ADTRP: variants seen among roughly 807,000 people sequenced by gnomAD.
ADTRP encodes the protein androgen-dependent TFPI-regulating protein.
In ADTRP, 20 loss-of-function variants were observed where a neutral mutation model predicts 27.0. That is an observed-to-expected ratio of 0.74 (90% CI 0.52 to 1.08). ADTRP has a LOEUF of 1.08. Among genes scored for constraint, ADTRP ranks in the 50% least tolerant of loss-of-function variants. The pLI, the probability that ADTRP is intolerant of heterozygous loss-of-function variation, is 0.00. For missense variants in ADTRP, 251 were observed against 275.0 expected, an observed-to-expected ratio of 0.91 and a Z score of 0.62; for synonymous variants, 101 against 105.2, an observed-to-expected ratio of 0.96 and a Z score of 0.25.
rs374029504 is a variant in ADTRP, at chr6:11,766,332, T to C, written c.332A>G (p.Asp111Gly). The C allele has an allele frequency of 6.2e-7, 1 of 1,612,654 alleles. No individual in the cohort carries two copies. The highest frequency in any genetic ancestry group is 1.7e-5 in the Admixed American group (1 of 59,862). Residue 111 changes from aspartate to glycine, a missense_variant, in exon 3 of 6, where the codon GAT (aspartate) becomes GGT (glycine). By Grantham distance (94) the Asp-to-Gly change is moderately conservative. Coordinates refer to ENST00000414691, the MANE Select transcript of ADTRP (RefSeq NM_032744.4). ...AFWILFLYNR[D>G]LIYPKVLDTV... ...ATCTAGGACCTTGGGGTAAATGAGATCTCGATTGTAGAGAAAGAGGATCCA... is the reference window on the plus strand; with the variant it reads ...ATCTAGGACCTTGGGGTAAATGAGACCTCGATTGTAGAGAAAGAGGATCCA...
intron 3 of ADTRP, among the ~76,000 whole-genome samples, chr6:11,763,759 A>C (rs944537474): frequency 4.6e-5 from 7 of 152,240 alleles, no homozygotes; most frequent in African/African-American, 1.7e-4. Context: ...AGAACATTTA[A>C]TAGTGAGGAC....
chr6:11,750,168 G>A (rs1399142024), intron 3 of ADTRP, among the ~76,000 whole-genome samples: 2 of 152,188 alleles, frequency 1.3e-5, no homozygotes, highest in African/African-American at 2.4e-5. Context: ...TGGGAAATTG[G>A]GGAAAAATTA....
intron 3 of ADTRP, among the ~76,000 whole-genome samples, chr6:11,746,408 A>G (rs143207908): frequency 4.3e-4 from 66 of 152,302 alleles, no homozygotes; most frequent in African/African-American, 1.5e-3. Flanking sequence ...TTTAGAATCC[A>G]TAAGTCTTTG....
rs1024162662 is a variant in ADTRP, at chr6:11,763,588, T to C, written c.390+2686A>G. 7.9e-5 allele frequency among the ~76,000 whole-genome samples: 12 copies of C among 152,320 alleles called. 1 individual carries two copies. Among genetic ancestry groups the C allele is most frequent in the African/African-American group, 2.6e-4 (11 of 41,570 alleles). On this transcript the variant is annotated intron_variant, in intron 3 of 5. Transcript: ENST00000414691. ...GTCATTACTCTGGCTGCCATAGTGGTGATTTCCCAGAATTGTATTCCTTCC... is the reference window on the plus strand; with the variant it reads ...GTCATTACTCTGGCTGCCATAGTGGCGATTTCCCAGAATTGTATTCCTTCC...
At chr6:11,746,722 A>T (rs1053970958) in intron 3 of ADTRP, among the ~76,000 whole-genome samples, 2 of 152,252 alleles carry the variant, frequency 1.3e-5, no homozygotes, top group African/African-American at 4.8e-5. Flanking sequence ...GTATTCAGGC[A>T]TGAGCACCAA....
chr6:11,747,275 GAC>G (rs1426467475), intron 3 of ADTRP, among the ~76,000 whole-genome samples: 4 of 152,178 alleles, frequency 2.6e-5, no homozygotes, highest in Non-Finnish European at 5.9e-5. Context: ...AGATGCTGAA[GAC>G]ACACACATGC....
In ADTRP at chr6:11,723,489, A is replaced by G. The variant is rs756600080; in HGVS notation, c.518T>C (p.Leu173Pro). The G allele has an allele frequency of 6.2e-7, 1 of 1,613,986 alleles. No homozygotes were observed. The highest frequency in any genetic ancestry group is 1.1e-5 in the South Asian group (1 of 91,038). ...CACCCAGGTACCCGTCTCAAAGTAGAGCCATAGGATGCTGCAGGAAATAAG... is the reference window on the plus strand; with the variant it reads ...CACCCAGGTACCCGTCTCAAAGTAGGGCCATAGGATGCTGCAGGAAATAAG... ...SIAYISRILW[L>P]YFETGTWVYP... The change falls in exon 5 of 6, where the codon CTC becomes CCC. Residue 173 changes from leucine to proline, a missense_variant. By Grantham distance (98) the Leu-to-Pro change is moderately conservative. Coordinates refer to ENST00000414691, the MANE Select transcript of ADTRP (RefSeq NM_032744.4).
chr6:11,736,002 A>G, intron 3 of ADTRP: 1 of 219,280 alleles, frequency 4.6e-6, no homozygotes, highest in Non-Finnish European at 9.2e-6. Context: ...TCTGTCACTC[A>G]CCCAGGCTGG....
chr6:11,757,947 A>G (rs1763264734), intron 3 of ADTRP, among the ~76,000 whole-genome samples: 1 of 152,114 alleles, frequency 6.6e-6, no homozygotes. Flanking sequence ...AAACAAATAC[A>G]CTGATCTACT....
intron 5 of ADTRP, chr6:11,717,424 T>A: frequency 7.7e-7 from 1 of 1,303,796 alleles, no homozygotes; most frequent in Non-Finnish European, 1.0e-6. Context: ...ACTGCAGGCA[T>A]GGCCAAGAAA....
At chr6:11,717,353 G>C (rs965044343) in intron 5 of ADTRP, 1 of 1,304,212 alleles carries the variant, frequency 7.7e-7, no homozygotes, top group Admixed American at 2.3e-5. Flanking sequence ...ACTTCCAATC[G>C]GGCCACTGGA....
chr6:11,757,602 G>A lies in ADTRP; in HGVS notation c.390+8672C>T, dbSNP rs532236034. 7.9e-5 allele frequency among the ~76,000 whole-genome samples: 12 copies of A among 152,286 alleles called. No individual in the cohort carries two copies. The South Asian group carries it at 2.5e-3, about 32-fold the overall frequency. On this transcript the variant is annotated intron_variant, in intron 3 of 5. Transcript: ENST00000414691. ...TTAAGATGAGGTCATACTGGAGTAG[G>A]GGACCTTAAACCAATCTGGTTGGTA...
intron 3 of ADTRP, among the ~76,000 whole-genome samples, chr6:11,762,383 T>C (rs770089957): frequency 2.0e-5 from 3 of 152,250 alleles, no homozygotes; most frequent in Non-Finnish European, 4.4e-5. Flanking sequence ...CTCAACCAGA[T>C]TTAAGATTGC....
intron 4 of ADTRP, chr6:11,728,251 G>C (rs12175671): frequency 6.6e-6 from 1 of 152,224 alleles, no homozygotes; most frequent in African/African-American, 2.4e-5. Flanking sequence ...TCAGTAATCC[G>C]GTAATCTTCC....
chr6:11,734,844 TTAG>T (rs1222022223), intron 4 of ADTRP, among the ~76,000 whole-genome samples: 4 of 152,182 alleles, frequency 2.6e-5, no homozygotes, highest in Admixed American at 6.5e-5. Flanking sequence ...GGAACACTGA[TTAG>T]CTTCCAATCT....
At chr6:11,716,977 C>A (rs964742662) in intron 5 of ADTRP, among the ~76,000 whole-genome samples, 1 of 151,160 alleles carries the variant, frequency 6.6e-6, no homozygotes, top group East Asian at 1.9e-4. Context: ...CCACCCGCCT[C>A]GGCCTCCCAA....
chr6:11,753,937 C>T (rs989663523), intron 3 of ADTRP, among the ~76,000 whole-genome samples: 1 of 152,172 alleles, frequency 6.6e-6, no homozygotes, highest in Non-Finnish European at 1.5e-5. Flanking sequence ...ATTGCTGGTT[C>T]TCTGAGCAGA....
intron 5 of ADTRP, among the ~76,000 whole-genome samples, chr6:11,720,896 T>C (rs2235422): frequency 0.68 from 103,511 of 151,982 alleles, 35,569 homozygotes; most frequent in African/African-American, 0.73. Flanking sequence ...TTGCAAAAAG[T>C]TGTACTTTAC....
At chr6:11,724,059 T>C (rs1762109068) in intron 4 of ADTRP, among the ~76,000 whole-genome samples, 1 of 110,192 alleles carries the variant, frequency 9.1e-6, no homozygotes, top group African/African-American at 3.4e-5. Context: ...AAACTTTGTC[T>C]CAAAAACAAA....
Sources: allele counts gnomAD v4.1 joint callset (sites outside exome capture counted in the v4.1 genomes callset), GRCh38; gene constraint gnomAD v4.1.1; transcripts MANE v1.5; gene names NCBI Gene and HGNC (gene_info 2026-07-23, HGNC 2026-07-21).